Variants in SORCS3 observed in about 807,000 individuals in gnomAD.
SORCS3 encodes the protein VPS10 domain-containing receptor SorCS3.
SORCS3 carries 57 observed loss-of-function variants against 146.3 expected under a neutral mutation model. The ratio of observed to expected loss-of-function variants is 0.39; its 90% CI spans 0.31 to 0.49. The LOEUF (loss-of-function observed/expected upper bound fraction) is 0.49, where lower values mean the gene tolerates loss of function less well. Ranked by LOEUF, SORCS3 falls within the 20% of genes least tolerant of loss-of-function variation. SORCS3 has a pLI of 0.92. For missense variants in SORCS3, 1,341 were observed against 1,575.5 expected (o/e 0.85, Z 2.52); for synonymous variants, 653 against 618.5 (o/e 1.06, Z -0.83).
intron 1 of SORCS3, among the ~76,000 whole-genome samples, chr10:104,751,970 A>G (rs1188450428): frequency 5.8e-5 from 3 of 51,968 alleles, no homozygotes; most frequent in South Asian, 1.0e-3. Flanking sequence ...TATATATATA[A>G]TAGTTTAGCA....
chr10:104,764,585 AGT>A (rs2133479092), intron 1 of SORCS3, among the ~76,000 whole-genome samples: 1 of 152,346 alleles, frequency 6.6e-6, no homozygotes, highest in Admixed American at 6.5e-5. Flanking sequence ...TGTAGGGTCA[AGT>A]GATAGTAATT....
At chr10:104,869,742 A>G (rs1175628253) in intron 2 of SORCS3, among the ~76,000 whole-genome samples, 2 of 152,194 alleles carry the variant, frequency 1.3e-5, no homozygotes, top group Non-Finnish European at 2.9e-5. Context: ...ATTACTACAC[A>G]TATTATGTAG....
At chr10:104,805,870 T>A (rs775561213) in intron 1 of SORCS3, among the ~76,000 whole-genome samples, 1 of 152,154 alleles carries the variant, frequency 6.6e-6, no homozygotes, top group Non-Finnish European at 1.5e-5. Context: ...CTTTCCCCTC[T>A]TTACTTATTC....
intron 16 of SORCS3, among the ~76,000 whole-genome samples, chr10:105,202,711 T>A (rs186851044): frequency 2.6e-5 from 4 of 152,144 alleles, no homozygotes; most frequent in Non-Finnish European, 5.9e-5. Flanking sequence ...CAATAAAGAG[T>A]TGTAGCATGT....
At chr10:105,219,094 A>C (rs1048639167) in intron 19 of SORCS3, among the ~76,000 whole-genome samples, 2 of 152,196 alleles carry the variant, frequency 1.3e-5, no homozygotes, top group African/African-American at 2.4e-5. Context: ...TGAGGTGTGC[A>C]TGTGTTGGGT....
intron 1 of SORCS3, among the ~76,000 whole-genome samples, chr10:104,720,939 T>A (rs562373782): frequency 3.6e-4 from 55 of 152,352 alleles, no homozygotes; most frequent in African/African-American, 1.1e-3. Flanking sequence ...CTGTTCACTC[T>A]GATGGTGGTT....
At chr10:104,653,099 G>A (rs997838335) in intron 1 of SORCS3, among the ~76,000 whole-genome samples, 2 of 152,174 alleles carry the variant, frequency 1.3e-5, no homozygotes, top group Admixed American at 1.3e-4. Flanking sequence ...AGAAATAGAT[G>A]CTATCACCAA....
intron 14 of SORCS3, among the ~76,000 whole-genome samples, chr10:105,190,325 C>T (rs923330500): frequency 1.4e-4 from 21 of 152,146 alleles, no homozygotes; most frequent in Non-Finnish European, 2.1e-4. Context: ...ATGGGAGTAA[C>T]GAATAAAATG....
intron 1 of SORCS3, among the ~76,000 whole-genome samples, chr10:104,687,784 C>T (rs1005531389): frequency 6.6e-6 from 1 of 152,174 alleles, no homozygotes; most frequent in Non-Finnish European, 1.5e-5. Context: ...GTTCCAGTCT[C>T]AGTCCCTGCT....
chr10:105,098,325 A>T (rs1011239272), intron 6 of SORCS3, among the ~76,000 whole-genome samples: 15 of 152,184 alleles, frequency 9.9e-5, no homozygotes, highest in African/African-American at 2.7e-4. Context: ...ATTGTCTTTG[A>T]TAGAAGGATT....
intron 14 of SORCS3, among the ~76,000 whole-genome samples, chr10:105,186,030 A>G (rs1436096977): frequency 6.6e-6 from 1 of 152,086 alleles, no homozygotes; most frequent in African/African-American, 2.4e-5. Context: ...CTATTTTCTT[A>G]TCAATGGAAA....
chr10:104,898,188 C>G (rs905213219), intron 2 of SORCS3, among the ~76,000 whole-genome samples: 1 of 152,194 alleles, frequency 6.6e-6, no homozygotes, highest in African/African-American at 2.4e-5. Context: ...ATCTCTTGGT[C>G]TCTCCAAGCC....
chr10:105,220,340 G>A (rs369596787), intron 19 of SORCS3, among the ~76,000 whole-genome samples: 8 of 152,158 alleles, frequency 5.3e-5, no homozygotes, highest in Non-Finnish European at 1.2e-4. Flanking sequence ...AGTTGTGAAC[G>A]CCACATCCTT....
chr10:104,811,517 G>A (rs971617596), intron 1 of SORCS3, among the ~76,000 whole-genome samples: 13 of 152,348 alleles, frequency 8.5e-5, no homozygotes, highest in South Asian at 2.1e-4. Context: ...GTGTCTTGCC[G>A]AAGGTCACAC....
intron 4 of SORCS3, among the ~76,000 whole-genome samples, chr10:105,022,341 A>G (rs1011206181): frequency 2.8e-5 from 4 of 142,024 alleles, no homozygotes; most frequent in African/African-American, 1.1e-4. Context: ...CTTGTTGCCC[A>G]AGCTGGAGTG....
intron 6 of SORCS3, among the ~76,000 whole-genome samples, chr10:105,095,842 T>C (rs1228245860): frequency 1.3e-5 from 2 of 152,018 alleles, no homozygotes; most frequent in Non-Finnish European, 2.9e-5. Flanking sequence ...TTCCTAATTA[T>C]AAAATGAAGC....
intron 5 of SORCS3, among the ~76,000 whole-genome samples, chr10:105,069,527 A>T (rs2055544015): frequency 6.6e-6 from 1 of 152,200 alleles, no homozygotes; most frequent in African/African-American, 2.4e-5. Context: ...AACCATGCCT[A>T]GGGAGTTCTT....
At chr10:105,105,666 G>A (rs1465014095) in intron 7 of SORCS3, 151 bp downstream of exon 7, 3 of 667,628 alleles carry the variant, frequency 4.5e-6, no homozygotes, top group Non-Finnish European at 5.4e-6. Flanking sequence ...CCTCTGGGGA[G>A]AGCCCAGACT....
At chr10:105,218,639 C>A (rs570702337) in intron 19 of SORCS3, among the ~76,000 whole-genome samples, 19 of 152,340 alleles carry the variant, frequency 1.2e-4, no homozygotes, top group African/African-American at 4.3e-4. Context: ...CAAGGGAGAT[C>A]TGTGCTTGAA....
Sources: gnomAD v4.1 joint callset for allele counts (sites outside exome capture counted in the v4.1 genomes callset) on GRCh38, gnomAD v4.1.1 for gene constraint, MANE v1.5 for transcripts, NCBI Gene and HGNC (gene_info 2026-07-23, HGNC 2026-07-21) for gene names.